GLG1: variants seen among roughly 807,000 people sequenced by gnomAD.
GLG1 encodes Golgi apparatus protein 1.
In GLG1, 38 loss-of-function variants were observed where a neutral mutation model predicts 160.5. The ratio of observed to expected loss-of-function variants is 0.24; its 90% CI spans 0.18 to 0.31. The LOEUF (loss-of-function observed/expected upper bound fraction) is 0.31, where lower values mean the gene tolerates loss of function less well. Among genes scored for constraint, GLG1 ranks in the 10% least tolerant of loss-of-function variants. GLG1 has a pLI of 1.00. For missense variants in GLG1, 1,373 were observed against 1,505.2 expected, an observed-to-expected ratio of 0.91 and a Z score of 1.45; for synonymous variants, 644 against 543.4, an observed-to-expected ratio of 1.19 and a Z score of -2.57.
intron 1 of GLG1, among the ~76,000 whole-genome samples, chr16:74,581,266 A>G (rs954179421): frequency 1.3e-5 from 2 of 152,204 alleles, no homozygotes; most frequent in Non-Finnish European, 2.9e-5. Context: ...AGATGAACAG[A>G]TAAACAAAAT....
At chr16:74,487,266 G>C (rs988625247) in intron 8 of GLG1, among the ~76,000 whole-genome samples, 1 of 152,064 alleles carries the variant, frequency 6.6e-6, no homozygotes, top group Non-Finnish European at 1.5e-5. Flanking sequence ...TTACTGGTTT[G>C]CGTTCCCTTT....
At position 74,543,090 on chromosome 16, in the gene GLG1, C is replaced by G. The variant is rs1010259593; in HGVS notation, c.439-10937G>C. ...GAGTGCATTGTTTACTTGAACTGGC[C>G]TAAGCAAGAGCAAATAGGGCTGAGC... On this transcript the variant is annotated intron_variant, in intron 1 of 25. Transcript: ENST00000422840. Among the ~76,000 whole-genome samples the G allele has an allele frequency of 1.1e-3, 166 of 151,834 alleles. 4 individuals carry two copies. The highest frequency in any genetic ancestry group is 2.5e-4 in the Non-Finnish European group (17 of 67,970).
chr16:74,493,901 T>C (rs2016089207), intron 6 of GLG1, among the ~76,000 whole-genome samples: 1 of 152,144 alleles, frequency 6.6e-6, no homozygotes, highest in African/African-American at 2.4e-5. Flanking sequence ...GAGAATTTTA[T>C]ATAAAATCAC....
chr16:74,453,473 C>A, intron 25 of GLG1, 139 bp from the exon 26 acceptor site: 1 of 614,640 alleles, frequency 1.6e-6, no homozygotes, highest in Non-Finnish European at 2.9e-6. Flanking sequence ...TAAGAAAAAT[C>A]AACACAGAGC....
At chr16:74,473,455 T>TTTTTG (rs2015282342) in intron 13 of GLG1, among the ~76,000 whole-genome samples, 1 of 148,110 alleles carries the variant, frequency 6.8e-6, no homozygotes. Context: ...TTTTTTTTTT[T>TTTTTG]GAGACATAGA....
chr16:74,527,149 T>C (rs966597911), intron 2 of GLG1, among the ~76,000 whole-genome samples: 3 of 152,182 alleles, frequency 2.0e-5, no homozygotes, highest in African/African-American at 4.8e-5. Flanking sequence ...ATTATATTTT[T>C]ATTCCTACCC....
At chr16:74,534,157 C>A (rs984820921) in intron 1 of GLG1, among the ~76,000 whole-genome samples, 5 of 152,110 alleles carry the variant, frequency 3.3e-5, no homozygotes, top group East Asian at 3.9e-4. Flanking sequence ...TTTGAACTTT[C>A]TCCCTACTTG....
intron 2 of GLG1, among the ~76,000 whole-genome samples, chr16:74,518,288 G>A (rs144270477): frequency 7.0e-4 from 106 of 152,198 alleles, no homozygotes; most frequent in African/African-American, 2.3e-3. Context: ...CATGCTACCC[G>A]ACTTCGAACT....
At chr16:74,462,300 G>GA in intron 21 of GLG1, 105 bp from the exon 22 acceptor site, 3 of 809,946 alleles carry the variant, frequency 3.7e-6, no homozygotes, top group African/African-American at 1.7e-5. Context: ...ACAAGAACAA[G>GA]AAAAAAACAA....
chr16:74,479,401 G>C (rs1402494783), intron 11 of GLG1, among the ~76,000 whole-genome samples: 1 of 150,568 alleles, frequency 6.6e-6, no homozygotes, highest in Non-Finnish European at 1.5e-5. Context: ...AAGATGCCGG[G>C]ATGTGGGAGC....
rs1296168603 is a variant in GLG1 at position 74,462,012 on chromosome 16, G to A, written c.3036+82C>T. The A allele has an allele frequency of 4.1e-6, 3 of 729,960 alleles. No individual in the cohort carries two copies. In the South Asian group the frequency reaches 4.6e-5, roughly 11 times the overall value. The allele number at this position is 729,960 out of a possible 1,614,324, so 45.2% of individuals were successfully genotyped here. On this transcript the variant is annotated intron_variant, in intron 22 of 25. Transcript: ENST00000422840. ...TTCACCAGATCATTCACGGCTGAAG[G>A]GAGAGAAAGTAAACAACTTTTCTCC...
At chr16:74,570,469 T>C (rs568485585) in intron 1 of GLG1, among the ~76,000 whole-genome samples, 42 of 151,894 alleles carry the variant, frequency 2.8e-4, no homozygotes, top group Admixed American at 8.5e-4. Context: ...TAAAAAAAAA[T>C]GCACTGAAAG....
intron 2 of GLG1, among the ~76,000 whole-genome samples, chr16:74,509,213 C>A (rs902402038): frequency 6.7e-5 from 9 of 133,774 alleles, no homozygotes; most frequent in African/African-American, 2.0e-4. Flanking sequence ...ACTCTTGTTG[C>A]CCAGGCTGGA....
chr16:74,572,443 G>A (rs142849671), intron 1 of GLG1, among the ~76,000 whole-genome samples: 1,531 of 151,578 alleles, frequency 0.01, 23 homozygotes, highest in Non-Finnish European at 0.016. Flanking sequence ...CTTGGGAGGC[G>A]GAGGTTGCAG....
At chr16:74,512,160 C>CTTTTTTTTTTTTT in intron 2 of GLG1, among the ~76,000 whole-genome samples, 1 of 135,868 alleles carries the variant, frequency 7.4e-6, no homozygotes, top group Non-Finnish European at 1.6e-5. Context: ...TCTTTTATTT[C>CTTTTTTTTTTTTT]TTTTTTTTTT....
intron 10 of GLG1, among the ~76,000 whole-genome samples, chr16:74,482,580 G>A (rs565878573): frequency 6.6e-6 from 1 of 151,086 alleles, no homozygotes; most frequent in African/African-American, 2.4e-5. Flanking sequence ...GTCACTTATT[G>A]ACAAAAACCC....
At chr16:74,558,151 A>G (rs1277820667) in intron 1 of GLG1, among the ~76,000 whole-genome samples, 1 of 152,170 alleles carries the variant, frequency 6.6e-6, no homozygotes, top group African/African-American at 2.4e-5. Flanking sequence ...AGGCTTTTCA[A>G]TGTGGATTTT....
At chr16:74,530,974 C>T (rs1466013982) in intron 2 of GLG1, among the ~76,000 whole-genome samples, 1 of 152,112 alleles carries the variant, frequency 6.6e-6, no homozygotes, top group African/African-American at 2.4e-5. Context: ...TTTCTATTAA[C>T]AAATATAGTC....
rs1202050701 is a variant in GLG1 at position 74,472,637 on chromosome 16, G to C, written c.2053-226C>G. ...TTAAAGACATATTCCCTTTCGGCCT[G>C]AACAAATGAGAAGGCAGAATTAAGA... On this transcript the variant is annotated intron_variant, in intron 13 of 25. Transcript: ENST00000422840. 5 of 1,211,740 alleles carry C rather than the reference G, an allele frequency of 4.1e-6. No individual in the cohort carries two copies. The African/African-American group carries it at 7.6e-5, about 18-fold the overall frequency. 75.1% of individuals were successfully genotyped at this position (1,211,740 alleles called of 1,614,324 possible).
Sources: gnomAD v4.1 joint callset for allele counts (sites outside exome capture counted in the v4.1 genomes callset) on GRCh38, gnomAD v4.1.1 for gene constraint, MANE v1.5 for transcripts, NCBI Gene and HGNC (gene_info 2026-07-23, HGNC 2026-07-21) for gene names.